The following ARHGAP6 variants were observed in gnomAD, a reference collection of about 807,000 sequenced individuals.
ARHGAP6 encodes rho GTPase-activating protein 6.
Under a neutral mutation model 55.7 loss-of-function variants are expected in ARHGAP6, and 16 were observed. The observed-to-expected ratio is 0.29, with a 90% confidence interval of 0.19 to 0.44. ARHGAP6 has a LOEUF of 0.44. ARHGAP6 is among the 20% of genes least tolerant of loss of function. The pLI, the probability that ARHGAP6 is intolerant of heterozygous loss-of-function variation, is 1.00. For missense variants in ARHGAP6, 698 were observed against 808.9 expected (o/e 0.86, Z 1.66); for synonymous variants, 382 against 360.9 (o/e 1.06, Z -0.66).
At chrX:11,630,397 T>A (rs913046996) in intron 1 of ARHGAP6, among the ~76,000 whole-genome samples, 2 of 112,065 alleles carry the variant, frequency 1.8e-5, no homozygotes, top group African/African-American at 3.2e-5. Context: ...ATGAAACATA[T>A]AGACATCAAA....
At chrX:11,453,600 A>G (rs1338044000) in intron 1 of ARHGAP6, among the ~76,000 whole-genome samples, 1 of 110,816 alleles carries the variant, frequency 9.0e-6, no homozygotes, top group Non-Finnish European at 1.9e-5. Context: ...GACTTGTTTT[A>G]AAATTACTTC....
chrX:11,553,864 G>A (rs757740445), intron 1 of ARHGAP6, among the ~76,000 whole-genome samples: 1 of 111,927 alleles, frequency 8.9e-6, no homozygotes, highest in African/African-American at 3.2e-5. Context: ...GGTAAGGGAG[G>A]CAGTGATACA....
intron 2 of ARHGAP6, among the ~76,000 whole-genome samples, chrX:11,201,125 C>A (rs1176788091): frequency 8.9e-6 from 1 of 112,010 alleles, no homozygotes; most frequent in African/African-American, 3.2e-5. Flanking sequence ...AAAGTAATAA[C>A]AAAAGACCTC....
intron 1 of ARHGAP6, among the ~76,000 whole-genome samples, chrX:11,474,994 G>T (rs1025679840): frequency 1.8e-5 from 2 of 111,092 alleles, no homozygotes; most frequent in African/African-American, 6.6e-5. Context: ...AAGCCAAGCA[G>T]ATGCCAGTAC....
chrX:11,410,466 A>C (rs1217333227), intron 1 of ARHGAP6, among the ~76,000 whole-genome samples: 1 of 112,226 alleles, frequency 8.9e-6, no homozygotes, highest in Non-Finnish European at 1.9e-5. Context: ...AGGGGCTCAG[A>C]GTAGCATTGG....
intron 1 of ARHGAP6, among the ~76,000 whole-genome samples, chrX:11,337,924 A>C (rs1260279429): frequency 4.5e-5 from 5 of 111,724 alleles, no homozygotes; most frequent in African/African-American, 1.6e-4. Flanking sequence ...AATATGTCTG[A>C]GAAGGTCAAA....
intron 1 of ARHGAP6, among the ~76,000 whole-genome samples, chrX:11,255,075 T>C (rs1353980549): frequency 9.0e-6 from 1 of 111,608 alleles, no homozygotes; most frequent in Admixed American, 9.5e-5. Flanking sequence ...ACATCAGATA[T>C]AGGGGGATGA....
chrX:11,413,611 A>G (rs1187561160), intron 1 of ARHGAP6, among the ~76,000 whole-genome samples: 1 of 111,640 alleles, frequency 9.0e-6, no homozygotes, highest in Non-Finnish European at 1.9e-5. Context: ...CCTCTGAGGG[A>G]GTTCTGGATA....
chrX:11,481,100 A>G (rs915305900), intron 1 of ARHGAP6, among the ~76,000 whole-genome samples: 3 of 111,552 alleles, frequency 2.7e-5, no homozygotes, highest in African/African-American at 6.5e-5. Context: ...GCAAATTACT[A>G]GGATCTCCCC....
intron 2 of ARHGAP6, among the ~76,000 whole-genome samples, chrX:11,209,939 A>G (rs1243962065): frequency 2.7e-5 from 3 of 112,466 alleles, no homozygotes; most frequent in African/African-American, 9.7e-5. Flanking sequence ...AAAAATGACA[A>G]AAATCTCTCA....
intron 1 of ARHGAP6, among the ~76,000 whole-genome samples, chrX:11,598,930 T>G (rs1401165558): frequency 9.0e-6 from 1 of 110,677 alleles, no homozygotes; most frequent in Non-Finnish European, 1.9e-5. Context: ...TAGTGGGGCA[T>G]GCATGTGTTT....
chrX:11,256,027 T>C (rs1410594043), intron 1 of ARHGAP6, among the ~76,000 whole-genome samples: 1 of 112,004 alleles, frequency 8.9e-6, no homozygotes, highest in East Asian at 2.8e-4. Flanking sequence ...GGAGAGGTAC[T>C]GGCCCACGCA....
At chrX:11,482,496 G>C (rs753829348) in intron 1 of ARHGAP6, among the ~76,000 whole-genome samples, 29 of 111,397 alleles carry the variant, frequency 2.6e-4, no homozygotes, top group African/African-American at 9.1e-4. Flanking sequence ...TGACCTCTCA[G>C]CATTTTTCTT....
intron 1 of ARHGAP6, among the ~76,000 whole-genome samples, chrX:11,649,360 T>C (rs7064367): frequency 0.012 from 1,353 of 112,105 alleles, 22 homozygotes; most frequent in African/African-American, 0.042. Context: ...ATCTAATTCC[T>C]GACCCACAGA....
intron 1 of ARHGAP6, among the ~76,000 whole-genome samples, chrX:11,427,153 G>T (rs753637742): frequency 9.0e-6 from 1 of 111,115 alleles, no homozygotes; most frequent in African/African-American, 3.3e-5. Context: ...ATCATGAAGC[G>T]GCCCTGCCTC....
chrX:11,457,282 A>G (rs1025009892), intron 1 of ARHGAP6, among the ~76,000 whole-genome samples: 2 of 111,910 alleles, frequency 1.8e-5, no homozygotes, highest in Non-Finnish European at 1.9e-5. Context: ...AGTCCCTCCA[A>G]GCCCCAGTCC....
chrX:11,212,919 C>T (rs1260370701), intron 2 of ARHGAP6, among the ~76,000 whole-genome samples: 3 of 112,997 alleles, frequency 2.7e-5, no homozygotes, highest in African/African-American at 6.4e-5. Context: ...CCCGCCTGCC[C>T]GTGCTCCTCG....
chrX:11,241,271 T>G (rs5934984), intron 2 of ARHGAP6, among the ~76,000 whole-genome samples: 8,436 of 109,025 alleles, frequency 0.077, 408 homozygotes, highest in African/African-American at 0.18. Flanking sequence ...CAGCTTAGTT[T>G]AGGACATCCT....
intron 1 of ARHGAP6, among the ~76,000 whole-genome samples, chrX:11,405,120 C>G (rs950331711): frequency 8.9e-6 from 1 of 111,733 alleles, no homozygotes; most frequent in African/African-American, 3.2e-5. Context: ...AACGTTAGAG[C>G]AGTTCCTGAC....
Sources: allele counts gnomAD v4.1 joint callset (sites outside exome capture counted in the v4.1 genomes callset), GRCh38; gene constraint gnomAD v4.1.1; transcripts MANE v1.5; gene names NCBI Gene and HGNC (gene_info 2026-07-23, HGNC 2026-07-21).